Variants in MAGEB1 observed in about 807,000 individuals in gnomAD.
The protein encoded by MAGEB1 is MAGE family member B1.
For synonymous variants in MAGEB1, 99 were observed against 105.7 expected (o/e 0.94, Z 0.39); for missense variants, 290 against 286.7 (o/e 1.01, Z -0.08).
chrX:30,250,620 C>T lies in MAGEB1; in HGVS notation c.127C>T (p.Pro43Ser). ...AEKEECPSSS[P>S]VLGDTPTSSP... ...GAAAGAGGAGTGCCCCTCCTCCTCT[C>T]CTGTTTTAGGGGATACTCCCACAAG... The change falls in exon 2 of 2, where the codon CCT (proline) becomes TCT (serine). Residue 43 changes from proline (P) to serine (S), a missense_variant. Physicochemically the swap from Pro to Ser is moderately conservative, Grantham distance 74. Coordinates refer to ENST00000397548, the MANE Select transcript of MAGEB1 (RefSeq NM_177404.3). 1.7e-6 allele frequency: 2 copies of T among 1,209,339 alleles called. No individual in the cohort carries two copies.
Position 30,247,745 on chromosome X carries a change from C to T in MAGEB1, c.-61+489C>T, listed in dbSNP as rs183302262. On this transcript the variant is annotated intron_variant, in intron 1 of 1. Transcript: ENST00000397548. ...GGATCACGAGGTCAGGATATCAAGA[C>T]CATCCTGGCTAACACGGTGAAACCC... 2.7e-3 allele frequency among the ~76,000 whole-genome samples: 296 copies of T among 110,867 alleles called. 2 individuals carry two copies. Among genetic ancestry groups the T allele is most frequent in the Middle Eastern group, 0.014 (3 of 217 alleles).
chrX:30,249,405 C>T (rs181096087), intron 1 of MAGEB1, among the ~76,000 whole-genome samples: 1 of 111,523 alleles, frequency 9.0e-6, no homozygotes, highest in Non-Finnish European at 1.9e-5. Context: ...CTCAGAGTCC[C>T]TCTGTATGTC....
rs750843439 is a variant in MAGEB1, at chrX:30,250,724, C to T, written c.231C>T (p.Thr77=). Residue 77 remains threonine (T), a synonymous_variant, in exon 2 of 2, where the codon ACC becomes ACT. Coordinates refer to ENST00000397548, the MANE Select transcript of MAGEB1 (RefSeq NM_177404.3). ...TTTAAAAVSC[T]ESDEGAKCQG... is the part of the protein sequence containing the mutation. ...CTGCTGCTGCAGCTGTGTCATGTAC[C>T]GAATCTGACGAAGGTGCCAAATGCC... 2.1e-5 allele frequency: 25 copies of T among 1,209,451 alleles called. No homozygotes were observed. Among genetic ancestry groups the T allele is most frequent in the Admixed American group, 8.7e-5 (4 of 45,855 alleles).
chrX:30,249,975 G>T (rs750317094), intron 1 of MAGEB1, among the ~76,000 whole-genome samples: 1 of 111,955 alleles, frequency 8.9e-6, no homozygotes, highest in Non-Finnish European at 1.9e-5. Flanking sequence ...GCAGAAGACA[G>T]GTTCCCAGAA....
At chrX:30,245,256 G>C (rs746699332), upstream of MAGEB1, among the ~76,000 whole-genome samples, 2 of 112,287 alleles carry the variant, frequency 1.8e-5, no homozygotes, top group East Asian at 5.6e-4. Flanking sequence ...TTAGAATGCT[G>C]TATATTCTTT....
At chrX:30,244,632 A>C (rs1373095698), upstream of MAGEB1, among the ~76,000 whole-genome samples, 5 of 112,100 alleles carry the variant, frequency 4.5e-5, no homozygotes, top group South Asian at 3.7e-4. Context: ...CTGCAATAGG[A>C]GGTAATTTTA....
At chrX:30,248,456 G>T (rs1400779758) in intron 1 of MAGEB1, among the ~76,000 whole-genome samples, 5 of 112,402 alleles carry the variant, frequency 4.4e-5, no homozygotes, top group Admixed American at 9.4e-5. Context: ...GAACTCTCAA[G>T]TTGAGATGCC....
At position 30,248,595 on chromosome X, in the gene MAGEB1, C is replaced by G. The variant is rs986174055; in HGVS notation, c.-61+1339C>G. Among the ~76,000 whole-genome samples, 7 of 111,261 alleles carry G rather than the reference C, an allele frequency of 6.3e-5. No individual in the cohort carries two copies. The Admixed American group carries it at 6.6e-4, about 11-fold the overall frequency. On this transcript the variant is annotated intron_variant, in intron 1 of 1. Coordinates refer to ENST00000397548, the MANE Select transcript of MAGEB1 (RefSeq NM_177404.3). ...CACTGAGGGAGTATGAGGGGACCCC[C>G]TCCAAGAAAGAGGTAACACAGATAG...
At chrX:30,245,801 CA>C (rs1467846583), upstream of MAGEB1, among the ~76,000 whole-genome samples, 3 of 112,289 alleles carry the variant, frequency 2.7e-5, no homozygotes, top group Non-Finnish European at 5.6e-5. Context: ...CAAAAGATTA[CA>C]AAAATCATCT....
chrX:30,248,854 A>T (rs1227081571), intron 1 of MAGEB1, among the ~76,000 whole-genome samples: 1 of 112,055 alleles, frequency 8.9e-6, no homozygotes, highest in African/African-American at 3.2e-5. Flanking sequence ...CCTGATTTTC[A>T]TCCTTGGGAG....
Position 30,250,755 on chromosome X carries a change from G to A in MAGEB1, c.262G>A (p.Glu88Lys). 1 of 1,211,560 alleles carries A rather than the reference G, an allele frequency of 8.3e-7. No individual in the cohort carries two copies. The highest frequency in any genetic ancestry group is 1.1e-6 in the Non-Finnish European group (1 of 895,299). ...ESDEGAKCQG[E>K]ENASFSQATT... ...TGACGAAGGTGCCAAATGCCAAGGT[G>A]AGGAAAATGCAAGTTTCTCCCAGGC... The change falls in exon 2 of 2, where the codon GAG becomes AAG. Residue 88 changes from glutamate (E) to lysine (K), a missense_variant. Coordinates refer to ENST00000397548, the MANE Select transcript of MAGEB1 (RefSeq NM_177404.3).
Position 30,248,578 on chromosome X carries a change from G to T in MAGEB1, c.-61+1322G>T, listed in dbSNP as rs760209316. 2.7e-5 allele frequency among the ~76,000 whole-genome samples: 3 copies of T among 111,639 alleles called. No homozygotes were observed. In the South Asian group the frequency reaches 1.2e-3, roughly 43 times the overall value. On this transcript the variant is annotated intron_variant, in intron 1 of 1. Transcript: ENST00000397548. ...TTCCTAAAAGATGGTGACACTGAGG[G>T]AGTATGAGGGGACCCCCTCCAAGAA... is the stretch of plus-strand genomic sequence containing the variant.
At chrX:30,244,535 A>G (rs937069268), upstream of MAGEB1, among the ~76,000 whole-genome samples, 4 of 112,354 alleles carry the variant, frequency 3.6e-5, no homozygotes, top group Non-Finnish European at 7.5e-5. Flanking sequence ...AAAAGGGGAT[A>G]AAAAAGAAGG....
chrX:30,249,490 G>A (rs2147346213), intron 1 of MAGEB1, among the ~76,000 whole-genome samples: 1 of 111,055 alleles, frequency 9.0e-6, no homozygotes, highest in African/African-American at 3.3e-5. Context: ...GGAAATGAAG[G>A]TCTTAGTCAG....
chrX:30,251,615 T>C lies in MAGEB1; in HGVS notation c.*78T>C. On this transcript the variant is annotated 3_prime_UTR_variant, in exon 2 of 2. Transcript: ENST00000397548. ...AAGTAGTGAGCAGCCAAGATATGGC[T>C]AGAGAGATCATCATATATATCTCCT... 1.2e-6 allele frequency: 1 copy of C among 819,546 alleles called. No individual in the cohort carries two copies. Among genetic ancestry groups the C allele is most frequent in the Non-Finnish European group, 1.8e-6 (1 of 568,362 alleles). 67.5% of individuals were successfully genotyped at this position (819,546 alleles called of 1,213,427 possible).
chrX:30,250,346 A>G, intron 1 of MAGEB1, 88 bp from the exon 2 acceptor site: 1 of 503,380 alleles, frequency 2.0e-6, no homozygotes. Flanking sequence ...CAATGCCCTC[A>G]AGAAAACCAG....
rs201362872 is a variant in MAGEB1, at chrX:30,251,182, A to G, written c.689A>G (p.Tyr230Cys). The change falls in exon 2 of 2, where the codon TAT becomes TGT. Residue 230 changes from tyrosine to cysteine, a missense_variant. Coordinates refer to ENST00000397548, the MANE Select transcript of MAGEB1 (RefSeq NM_177404.3). The part of the protein sequence containing the change: ...IWKFMNVLGA[Y>C]DGEEHLIYGE... ...AAATTCATGAATGTGTTGGGAGCCT[A>G]TGATGGAGAGGAGCACTTAATCTAT... 1.4e-5 allele frequency: 17 copies of G among 1,210,401 alleles called. No individual in the cohort carries two copies. Among genetic ancestry groups the G allele is most frequent in the African/African-American group, 3.5e-5 (2 of 57,344 alleles).
At chrX:30,250,406 T>A (rs1925470665) in intron 1 of MAGEB1, 28 bp from the exon 2 acceptor site, 4 of 790,823 alleles carry the variant, frequency 5.1e-6, no homozygotes, top group Non-Finnish European at 7.1e-6. Flanking sequence ...CTGCAAGTAC[T>A]CACAGGATCT....
chrX:30,244,574 T>G (rs1280455373), upstream of MAGEB1, among the ~76,000 whole-genome samples: 1 of 111,887 alleles, frequency 8.9e-6, no homozygotes, highest in Non-Finnish European at 1.9e-5. Flanking sequence ...TGGAATCTAG[T>G]GTAAATGTCC....
Sources: allele counts gnomAD v4.1 joint callset (sites outside exome capture counted in the v4.1 genomes callset), GRCh38; gene constraint gnomAD v4.1.1; transcripts MANE v1.5; gene names NCBI Gene and HGNC (gene_info 2026-07-23, HGNC 2026-07-21).